STK32C: variants seen among roughly 807,000 people sequenced by gnomAD.
STK32C encodes serine/threonine-protein kinase 32C.
A neutral mutation model predicts 56.5 loss-of-function variants in STK32C; 31 were observed. That is an observed-to-expected ratio of 0.55 (90% confidence interval 0.41 to 0.74). The LOEUF is 0.74. STK32C is among the 30% of genes least tolerant of loss of function. STK32C has a pLI of 0.00. For missense variants in STK32C, 544 were observed against 676.9 expected, an observed-to-expected ratio of 0.80 and a Z score of 2.18; for synonymous variants, 309 against 289.4, an observed-to-expected ratio of 1.07 and a Z score of -0.69.
intron 10 of STK32C, among the ~76,000 whole-genome samples, chr10:132,209,697 G>T (rs2062228837): frequency 6.6e-6 from 1 of 152,166 alleles, no homozygotes; most frequent in Non-Finnish European, 1.5e-5. Flanking sequence ...GGTGGAGGGG[G>T]TGCTGGCCGC....
At chr10:132,241,330 G>A (rs928413318) in intron 2 of STK32C, among the ~76,000 whole-genome samples, 2 of 152,250 alleles carry the variant, frequency 1.3e-5, no homozygotes, top group African/African-American at 4.8e-5. Flanking sequence ...GTGGCTCAAC[G>A]ACAAGGTCGA....
At chr10:132,270,782 C>CA (rs1333656526) in intron 1 of STK32C, among the ~76,000 whole-genome samples, 1 of 152,188 alleles carries the variant, frequency 6.6e-6, no homozygotes, top group African/African-American at 2.4e-5. Flanking sequence ...ACCCTGGACT[C>CA]AGAGCTCCAT....
intron 1 of STK32C, among the ~76,000 whole-genome samples, chr10:132,271,372 C>G (rs2064816164): frequency 6.6e-6 from 1 of 152,210 alleles, no homozygotes; most frequent in Non-Finnish European, 1.5e-5. Context: ...CAGAGAGCTG[C>G]AAGAATAGCA....
At chr10:132,296,708 G>T (rs1188129001) in intron 1 of STK32C, among the ~76,000 whole-genome samples, 1 of 152,202 alleles carries the variant, frequency 6.6e-6, no homozygotes, top group African/African-American at 2.4e-5. Flanking sequence ...ACAGCATCTG[G>T]TGGTTAGACC....
At chr10:132,251,558 C>T (rs1285777115) in intron 1 of STK32C, among the ~76,000 whole-genome samples, 1 of 152,166 alleles carries the variant, frequency 6.6e-6, no homozygotes, top group Non-Finnish European at 1.5e-5. Flanking sequence ...GCCCCACACT[C>T]AGCCCCTCAG....
At chr10:132,296,718 C>T (rs377347827) in intron 1 of STK32C, among the ~76,000 whole-genome samples, 16 of 152,252 alleles carry the variant, frequency 1.1e-4, no homozygotes, top group South Asian at 2.1e-4. Flanking sequence ...GTGGTTAGAC[C>T]GGGCAACCAC....
intron 1 of STK32C, among the ~76,000 whole-genome samples, chr10:132,250,635 C>G (rs2063867205): frequency 6.8e-6 from 1 of 148,132 alleles, no homozygotes; most frequent in African/African-American, 2.5e-5. Context: ...GTGTGAGGTG[C>G]CCGGGACAGG....
chr10:132,230,333 C>T (rs1419296008), intron 2 of STK32C, among the ~76,000 whole-genome samples: 1 of 152,250 alleles, frequency 6.6e-6, no homozygotes, highest in African/African-American at 2.4e-5. Flanking sequence ...AGTCGCGTGG[C>T]TCGGCAGCAC....
At chr10:132,213,424 G>A (rs954916077) in intron 10 of STK32C, among the ~76,000 whole-genome samples, 2 of 152,262 alleles carry the variant, frequency 1.3e-5, no homozygotes, top group African/African-American at 4.8e-5. Context: ...CTCTGAGGAG[G>A]AGGATTTAGG....
Position 132,228,066 on chromosome 10 carries a change from C to T in STK32C, c.381G>A (p.Gln127=), listed in dbSNP as rs1385292367. The T allele has an allele frequency of 6.2e-7, 1 of 1,613,926 alleles. No individual in the cohort carries two copies. The highest frequency in any genetic ancestry group is 2.2e-5 in the East Asian group (1 of 44,884). Residue 127 remains glutamine, a synonymous_variant, in exon 3 of 12, where the codon CAG becomes CAA. Transcript: ENST00000298630. Reference sequence around the variant, plus strand: ...GGACCTCGTCGCGCTCGATGCACTGCTGCTTGTTCATGTACTTCATGGCGT... The same window carrying T: ...GGACCTCGTCGCGCTCGATGCACTGTTGCTTGTTCATGTACTTCATGGCGT... The part of the protein sequence containing the change: ...KMYAMKYMNK[Q]QCIERDEVRN...
intron 1 of STK32C, among the ~76,000 whole-genome samples, chr10:132,282,912 T>C (rs4072405): frequency 0.92 from 140,668 of 152,310 alleles, 65,159 homozygotes; most frequent in Admixed American, 0.94. Flanking sequence ...CGGTGGGGGG[T>C]GTTGTCATTT....
intron 1 of STK32C, among the ~76,000 whole-genome samples, chr10:132,289,475 A>T (rs1232906168): frequency 6.6e-6 from 1 of 152,250 alleles, no homozygotes; most frequent in Non-Finnish European, 1.5e-5. Flanking sequence ...TAAATGGGCT[A>T]AAGAATTGCA....
intron 1 of STK32C, among the ~76,000 whole-genome samples, chr10:132,304,560 AAGAG>A (rs1000364500): frequency 2.0e-5 from 3 of 152,204 alleles, no homozygotes; most frequent in Non-Finnish European, 2.9e-5. Context: ...TCTGCTAACA[AAGAG>A]AGAGTGTTTC....
chr10:132,313,753 G>A (rs959190471), intron 1 of STK32C, among the ~76,000 whole-genome samples: 5 of 149,792 alleles, frequency 3.3e-5, no homozygotes, highest in Non-Finnish European at 7.4e-5. Context: ...AGGCCAGGCT[G>A]GTTAAGCTGG....
Position 132,266,343 on chromosome 10 carries a change from G to A in STK32C, c.263-20388C>T, listed in dbSNP as rs182679052. 6.6e-5 allele frequency among the ~76,000 whole-genome samples: 10 copies of A among 152,256 alleles called. No individual in the cohort carries two copies. The East Asian group carries it at 1.7e-3, about 27-fold the overall frequency. On this transcript the variant is annotated intron_variant, in intron 1 of 11. Coordinates refer to ENST00000298630, the MANE Select transcript of STK32C (RefSeq NM_173575.4). ...GTAGGAAGGGGATGCTTGGAAAAGA[G>A]CCCAGAGAACTTTCCAGAAGGAGGA... is the stretch of plus-strand genomic sequence containing the variant.
chr10:132,265,161 C>CTCA lies in STK32C; in HGVS notation c.263-19207_263-19206insTGA, dbSNP rs1565125712. Among the ~76,000 whole-genome samples, 167 of 97,866 alleles carry CTCA rather than the reference C, an allele frequency of 1.7e-3. 3 individuals are homozygous for CTCA. The highest frequency in any genetic ancestry group is 5.9e-3 in the African/African-American group (156 of 26,660). The allele number at this position is 97,866 out of a possible 152,430, so 64.2% of individuals were successfully genotyped here. On this transcript the variant is annotated intron_variant, in intron 1 of 11. Coordinates refer to ENST00000298630, the MANE Select transcript of STK32C (RefSeq NM_173575.4). ...GTGAGGTGGGCTCTGGGGGAGCTGC[C>CTCA]AGGGCGGCGAGGTGGCTCTGGGGGA... is the stretch of plus-strand genomic sequence containing the variant.
chr10:132,225,681 C>G (rs918840872), intron 5 of STK32C, 65 bp from the exon 6 acceptor site: 1 of 1,611,190 alleles, frequency 6.2e-7, no homozygotes, highest in African/African-American at 1.3e-5. Flanking sequence ...GTGCAGGATC[C>G]TCCTCCCCTG....
At chr10:132,272,323 G>A (rs929400483) in intron 1 of STK32C, among the ~76,000 whole-genome samples, 13 of 152,226 alleles carry the variant, frequency 8.5e-5, no homozygotes, top group Admixed American at 2.6e-4. Flanking sequence ...CAACCCTGCC[G>A]GCGCGTGGTC....
In STK32C at chr10:132,251,363, C is replaced by T. The variant is rs541708682; in HGVS notation, c.263-5408G>A. ...GGGCAGCCCTGGTCACCGAGGAAGC[C>T]GGACAGGCTCCCAGAAGGAGTGGGT... is the stretch of plus-strand genomic sequence containing the variant. On this transcript the variant is annotated intron_variant, in intron 1 of 11. Transcript: ENST00000298630. Among the ~76,000 whole-genome samples, 249 of 152,322 alleles carry T rather than the reference C, an allele frequency of 1.6e-3. 1 individual carries two copies. Among genetic ancestry groups the T allele is most frequent in the African/African-American group, 5.8e-3 (242 of 41,584 alleles).
Sources: gnomAD v4.1 joint callset for allele counts (sites outside exome capture counted in the v4.1 genomes callset) on GRCh38, gnomAD v4.1.1 for gene constraint, MANE v1.5 for transcripts, NCBI Gene and HGNC (gene_info 2026-07-23, HGNC 2026-07-21) for gene names.